The following RGL1 variants were observed in gnomAD, a reference collection of about 807,000 sequenced individuals.
RGL1 encodes ral guanine nucleotide dissociation stimulator like 1.
A neutral mutation model predicts 95.2 loss-of-function variants in RGL1; 24 were observed. The observed-to-expected ratio is 0.25, with a 90% confidence interval of 0.18 to 0.35. RGL1 has a LOEUF of 0.35. Ranked by LOEUF, RGL1 falls within the 10% of genes least tolerant of loss-of-function variation. The pLI, the probability that RGL1 is intolerant of heterozygous loss-of-function variation, is 1.00. For missense variants in RGL1, 715 were observed against 936.3 expected (o/e 0.76, Z 3.08); for synonymous variants, 329 against 344.9 (o/e 0.95, Z 0.51).
intron 1 of RGL1, among the ~76,000 whole-genome samples, chr1:183,681,236 C>A (rs1184549631): frequency 1.3e-5 from 2 of 152,160 alleles, no homozygotes; most frequent in Non-Finnish European, 2.9e-5. Flanking sequence ...TGAGAGAGGG[C>A]ATCCTTGTCT....
intron 14 of RGL1, among the ~76,000 whole-genome samples, chr1:183,908,874 A>G (rs1352335228): frequency 6.6e-6 from 1 of 152,130 alleles, no homozygotes; most frequent in Non-Finnish European, 1.5e-5. Context: ...CCTCATTTCT[A>G]TGCTACTGCT....
At chr1:183,786,993 T>C (rs1558206676) in intron 2 of RGL1, among the ~76,000 whole-genome samples, 1 of 152,236 alleles carries the variant, frequency 6.6e-6, no homozygotes, top group Non-Finnish European at 1.5e-5. Context: ...CATGCTGTAG[T>C]GATTAAATTG....
At chr1:183,672,251 A>G (rs1283283717) in intron 1 of RGL1, among the ~76,000 whole-genome samples, 2 of 152,038 alleles carry the variant, frequency 1.3e-5, no homozygotes, top group Non-Finnish European at 2.9e-5. Flanking sequence ...TGATATTTTA[A>G]TTTCACTATG....
At position 183,822,553 on chromosome 1, in the gene RGL1, C is replaced by A. The variant is rs1002019901; in HGVS notation, c.138+16068C>A. On this transcript the variant is annotated intron_variant, in intron 2 of 17. Transcript: ENST00000360851. ...GTATTTCCAGTCCTGTTGGTAGCCA[C>A]CCAAAATGTTTGAGGGAGTTAGACT... 2.6e-5 allele frequency among the ~76,000 whole-genome samples: 4 copies of A among 152,188 alleles called. No individual in the cohort carries two copies. The East Asian group carries it at 7.7e-4, about 29-fold the overall frequency.
intron 3 of RGL1, among the ~76,000 whole-genome samples, chr1:183,849,312 A>G (rs570174793): frequency 6.6e-6 from 1 of 151,980 alleles, no homozygotes; most frequent in African/African-American, 2.4e-5. Context: ...GTGAATTAGT[A>G]TATATAAAAG....
At chr1:183,744,067 G>A (rs1032108500) in intron 2 of RGL1, among the ~76,000 whole-genome samples, 1 of 152,124 alleles carries the variant, frequency 6.6e-6, no homozygotes, top group Non-Finnish European at 1.5e-5. Context: ...GTGGGAGAGA[G>A]GAGCTCATTG....
chr1:183,806,218 C>T (rs546346329), intron 1 of RGL1, among the ~76,000 whole-genome samples, 157 bp from the exon 2 acceptor site: 1 of 152,236 alleles, frequency 6.6e-6, no homozygotes, highest in South Asian at 2.1e-4. Context: ...TTCCCTCTAT[C>T]AAAATGTGTC....
intron 2 of RGL1, among the ~76,000 whole-genome samples, chr1:183,837,402 TGAAGACCTTG>T (rs111799437): frequency 0.16 from 23,878 of 152,114 alleles, 2,245 homozygotes; most frequent in East Asian, 0.28. Context: ...CCTTAGTTTA[TGAAGACCTTG>T]GACATTTGAG....
intron 16 of RGL1, 25 bp from the exon 17 acceptor site, chr1:183,922,196 TA>T: frequency 1.3e-6 from 2 of 1,594,608 alleles, no homozygotes; most frequent in South Asian, 2.2e-5. Flanking sequence ...CTAAGTACTT[TA>T]CAAACCTGTT....
chr1:183,647,965 G>GAA, intron 1 of RGL1: 1 of 1,614,210 alleles, frequency 6.2e-7, no homozygotes, highest in Non-Finnish European at 8.5e-7. Flanking sequence ...CTCGGCATTT[G>GAA]AAAAAACTGT....
intron 1 of RGL1, among the ~76,000 whole-genome samples, chr1:183,645,864 A>G (rs1008064440): frequency 6.6e-6 from 1 of 152,234 alleles, no homozygotes; most frequent in Non-Finnish European, 1.5e-5. Flanking sequence ...ACGACCTGTG[A>G]GTAATCTTCT....
chr1:183,806,003 T>TTTTTTTTTTTTTTTTTTTTTTTTTTC (rs1661307318), intron 1 of RGL1, among the ~76,000 whole-genome samples: 1 of 116,222 alleles, frequency 8.6e-6, no homozygotes, highest in Non-Finnish European at 1.9e-5. Context: ...TTTTTTTTTT[T>TTTTTTTTTTTTTTTTTTTTTTTTTTC]TTTTTTTTAC....
rs1048754304 is a variant in RGL1 at position 183,888,431 on chromosome 1, T to C, written c.952-43T>C. The C allele has an allele frequency of 5.3e-6, 6 of 1,126,282 alleles. No individual in the cohort carries two copies. The Admixed American group carries it at 8.6e-5, about 16-fold the overall frequency. The allele number at this position is 1,126,282 out of a possible 1,614,324, so 69.8% of individuals were successfully genotyped here. A position where few individuals can be genotyped will look rare whatever the true frequency, so the allele number is the denominator to read the frequency against. On this transcript the variant is annotated intron_variant, in intron 7 of 17. Coordinates refer to ENST00000360851, the MANE Select transcript of RGL1 (RefSeq NM_001297671.3). Reference sequence around the variant, plus strand: ...GGAAACCACCAAGTCATTGTAATATTGATAGTTAAATGCCTTTTATGTTTT... The same window carrying C: ...GGAAACCACCAAGTCATTGTAATATCGATAGTTAAATGCCTTTTATGTTTT...
chr1:183,730,613 G>C (rs1163821293), intron 1 of RGL1, among the ~76,000 whole-genome samples: 1 of 152,118 alleles, frequency 6.6e-6, no homozygotes, highest in Non-Finnish European at 1.5e-5. Context: ...ATTATACATG[G>C]AAGGCTAGTG....
At chr1:183,684,141 T>C (rs891318996) in intron 1 of RGL1, among the ~76,000 whole-genome samples, 4 of 152,114 alleles carry the variant, frequency 2.6e-5, no homozygotes, top group Admixed American at 6.5e-5. Flanking sequence ...GAGTTTGTTA[T>C]TACCCACCTT....
intron 2 of RGL1, among the ~76,000 whole-genome samples, chr1:183,799,748 A>G (rs1370221644): frequency 6.6e-6 from 1 of 152,140 alleles, no homozygotes; most frequent in Non-Finnish European, 1.5e-5. Flanking sequence ...TTTATTACAT[A>G]CTTATTTCGA....
intron 2 of RGL1, among the ~76,000 whole-genome samples, chr1:183,771,540 A>G (rs1659272075): frequency 6.6e-6 from 1 of 152,166 alleles, no homozygotes; most frequent in African/African-American, 2.4e-5. Flanking sequence ...CAGGTAGGGG[A>G]TGGGGTAAGA....
chr1:183,878,345 TACCACCAC>T, intron 4 of RGL1, among the ~76,000 whole-genome samples: 1 of 152,060 alleles, frequency 6.6e-6, no homozygotes, highest in South Asian at 2.1e-4. Context: ...TACAGGCGTG[TACCACCAC>T]ACCTGGCTAA....
chr1:183,660,319 C>T (rs550322854), intron 1 of RGL1, among the ~76,000 whole-genome samples: 69 of 152,122 alleles, frequency 4.5e-4, no homozygotes, highest in African/African-American at 1.4e-3. Flanking sequence ...ACCCATCTCA[C>T]GTGCAGAGAC....
Sources: gnomAD v4.1 joint callset for allele counts (sites outside exome capture counted in the v4.1 genomes callset) on GRCh38, gnomAD v4.1.1 for gene constraint, MANE v1.5 for transcripts, NCBI Gene and HGNC (gene_info 2026-07-23, HGNC 2026-07-21) for gene names.